CCDC158: variants seen among roughly 807,000 people sequenced by gnomAD.
CCDC158 encodes coiled-coil domain-containing protein 158.
CCDC158 carries 116 observed loss-of-function variants against 138.6 expected under a neutral mutation model. The observed-to-expected ratio is 0.84, with a 90% confidence interval of 0.72 to 0.98. The LOEUF (loss-of-function observed/expected upper bound fraction) is 0.98. Ranked by LOEUF, CCDC158 falls within the 50% of genes least tolerant of loss-of-function variation. The pLI is 0.00. For synonymous variants in CCDC158, 436 were observed against 442.4 expected (o/e 0.99, Z 0.18); for missense variants, 1,265 against 1,306.1 (o/e 0.97, Z 0.48).
chr4:76,373,902 A>G (rs1326928224), intron 9 of CCDC158, among the ~76,000 whole-genome samples: 3 of 152,194 alleles, frequency 2.0e-5, no homozygotes, highest in Non-Finnish European at 2.9e-5. Context: ...CTAATAAAGA[A>G]GTACTTTCCA....
chr4:76,333,662 G>A (rs1721201560), intron 19 of CCDC158, among the ~76,000 whole-genome samples: 1 of 152,158 alleles, frequency 6.6e-6, no homozygotes, highest in Non-Finnish European at 1.5e-5. Flanking sequence ...CTTTTGAGAT[G>A]TGTTTTTCTC....
At chr4:76,386,663 A>C (rs1463433754) in intron 4 of CCDC158, among the ~76,000 whole-genome samples, 1 of 109,100 alleles carries the variant, frequency 9.2e-6, no homozygotes, top group Non-Finnish European at 2.0e-5. Flanking sequence ...ATCTGGTTTT[A>C]ATTCATATGG....
intron 24 of CCDC158, among the ~76,000 whole-genome samples, chr4:76,318,310 T>A (rs116182046): frequency 0.027 from 4,056 of 152,164 alleles, 99 homozygotes; most frequent in Non-Finnish European, 0.038. Flanking sequence ...ATAAGCTCAA[T>A]TAGAAATGAA....
At chr4:76,419,211 A>T (rs1337431349) in intron 1 of CCDC158, among the ~76,000 whole-genome samples, 1 of 152,078 alleles carries the variant, frequency 6.6e-6, no homozygotes, top group African/African-American at 2.4e-5. Flanking sequence ...GCACCACTTA[A>T]ATTTCTTTTC....
At chr4:76,414,067 C>T (rs960236555) in intron 1 of CCDC158, among the ~76,000 whole-genome samples, 2 of 152,044 alleles carry the variant, frequency 1.3e-5, no homozygotes, top group South Asian at 4.1e-4. Context: ...CACCACCATG[C>T]CTGGCTAATT....
chr4:76,355,340 A>T lies in CCDC158; in HGVS notation c.2270T>A (p.Met757Lys), dbSNP rs1317119812. Residue 757 changes from methionine to lysine, a missense_variant, in exon 15 of 25, where the codon ATG becomes AAG. Transcript: ENST00000682701. ...GCAACCCACCTTATTTGCATTTGTC[A>T]TTGCCTCTTCCAAAAACTGTATCTT... ...QSKIQFLEEA[M>K]TNANKEKHFL... is the part of the protein sequence containing the mutation. The T allele has an allele frequency of 4.3e-6, 7 of 1,613,222 alleles. No homozygotes were observed. Among genetic ancestry groups the T allele is most frequent in the South Asian group, 2.2e-5 (2 of 91,060 alleles).
intron 2 of CCDC158, among the ~76,000 whole-genome samples, chr4:76,409,963 G>GA (rs1171287996): frequency 1.3e-5 from 2 of 151,860 alleles, no homozygotes; most frequent in African/African-American, 4.8e-5. Context: ...ACTTTTGGAG[G>GA]AAAATTCCCT....
intron 24 of CCDC158, among the ~76,000 whole-genome samples, chr4:76,321,239 A>G (rs960496268): frequency 1.3e-5 from 2 of 152,182 alleles, no homozygotes; most frequent in Admixed American, 6.5e-5. Flanking sequence ...AAGAATGGCC[A>G]TAATTTAAAA....
At chr4:76,370,595 A>T (rs939344115) in intron 10 of CCDC158, among the ~76,000 whole-genome samples, 4 of 152,180 alleles carry the variant, frequency 2.6e-5, no homozygotes, top group Non-Finnish European at 2.9e-5. Context: ...CAGTAAGGAG[A>T]CTGCCATGCT....
chr4:76,342,074 T>C (rs528940235), intron 18 of CCDC158, among the ~76,000 whole-genome samples: 4 of 152,288 alleles, frequency 2.6e-5, no homozygotes, highest in African/African-American at 9.6e-5. Flanking sequence ...ACTATTATTA[T>C]TATTTTTTTT....
At chr4:76,353,758 G>A (rs1001293752) in intron 15 of CCDC158, among the ~76,000 whole-genome samples, 7 of 152,136 alleles carry the variant, frequency 4.6e-5, no homozygotes, top group Middle Eastern at 6.8e-3. Flanking sequence ...TAGTTCCTGC[G>A]CTCAAGTCAC....
intron 1 of CCDC158, among the ~76,000 whole-genome samples, chr4:76,419,473 C>T (rs916741961): frequency 6.6e-6 from 1 of 152,160 alleles, no homozygotes; most frequent in African/African-American, 2.4e-5. Context: ...GGCCAGGAAT[C>T]CAAAATCAGT....
chr4:76,351,781 A>G lies in CCDC158; in HGVS notation c.2477T>C (p.Ile826Thr). The change falls in exon 17 of 25, where the codon ATA (isoleucine) becomes ACA (threonine). Residue 826 changes from isoleucine to threonine, a missense_variant. Transcript: ENST00000682701. ...ASLQFAECQD[I>T]IQRQEQESVR... ...TGATTCTTGCTCCTGACGCTGTATTATATCTTGACATTCTGCAAACTGCAA... is the reference window on the plus strand; with the variant it reads ...TGATTCTTGCTCCTGACGCTGTATTGTATCTTGACATTCTGCAAACTGCAA... 1.9e-6 allele frequency: 3 copies of G among 1,613,048 alleles called. No individual in the cohort carries two copies. The highest frequency in any genetic ancestry group is 2.5e-6 in the Non-Finnish European group (3 of 1,179,182).
intron 1 of CCDC158, among the ~76,000 whole-genome samples, chr4:76,418,597 A>C (rs1729873471): frequency 6.6e-6 from 1 of 152,166 alleles, no homozygotes; most frequent in African/African-American, 2.4e-5. Flanking sequence ...GAGGAAGAGC[A>C]AGGGAAGTCT....
chr4:76,351,689 T>G, intron 17 of CCDC158, 31 bp downstream of exon 17: 1 of 1,319,470 alleles, frequency 7.6e-7, no homozygotes, highest in Non-Finnish European at 1.1e-6. Context: ...GGCATTATTT[T>G]CGCTTAAACT....
At chr4:76,409,755 C>T (rs1195684248) in intron 2 of CCDC158, among the ~76,000 whole-genome samples, 2 of 152,028 alleles carry the variant, frequency 1.3e-5, no homozygotes, top group South Asian at 2.1e-4. Context: ...GGCGTGAACC[C>T]GGGAGGTGGA....
At chr4:76,337,974 G>T (rs1721683113) in intron 18 of CCDC158, among the ~76,000 whole-genome samples, 1 of 152,100 alleles carries the variant, frequency 6.6e-6, no homozygotes, top group Non-Finnish European at 1.5e-5. Flanking sequence ...GGTGAGTGAT[G>T]GGAGAGTGAG....
intron 18 of CCDC158, among the ~76,000 whole-genome samples, chr4:76,340,760 T>C (rs1560803992): frequency 6.6e-6 from 1 of 152,132 alleles, no homozygotes; most frequent in Non-Finnish European, 1.5e-5. Flanking sequence ...TATTCCATTA[T>C]ATATTACAGT....
intron 18 of CCDC158, chr4:76,345,677 A>C: frequency 1.4e-6 from 1 of 701,290 alleles, no homozygotes; most frequent in African/African-American, 1.8e-5. Context: ...AAGATTTATT[A>C]GCTTTAACTT....
Sources: gnomAD v4.1 joint callset for allele counts (sites outside exome capture counted in the v4.1 genomes callset) on GRCh38, gnomAD v4.1.1 for gene constraint, MANE v1.5 for transcripts, NCBI Gene and HGNC (gene_info 2026-07-23, HGNC 2026-07-21) for gene names.